Variants in PRELID2 observed in about 807,000 individuals in gnomAD.
PRELID2 encodes PRELI domain containing 2, also known as PRELI domain-containing protein 2.
In PRELID2, 25 loss-of-function variants were observed where a neutral mutation model predicts 28.4. The ratio of observed to expected loss-of-function variants is 0.88; its 90% CI spans 0.64 to 1.23. The LOEUF (loss-of-function observed/expected upper bound fraction) is 1.23. PRELID2 is among the 50% of genes most tolerant of loss of function. The pLI is 0.00. For synonymous variants in PRELID2, 76 were observed against 71.6 expected (o/e 1.06, Z -0.31); for missense variants, 201 against 214.4 (o/e 0.94, Z 0.39).
intron 2 of PRELID2, among the ~76,000 whole-genome samples, chr5:145,821,614 G>A (rs1241059426): frequency 6.6e-6 from 1 of 152,184 alleles, no homozygotes; most frequent in Non-Finnish European, 1.5e-5. Context: ...GGCTATAGTA[G>A]TCCCAACCCT....
At chr5:145,592,084 C>G (rs1753237252) in intron 1 of PRELID2, among the ~76,000 whole-genome samples, 1 of 152,124 alleles carries the variant, frequency 6.6e-6, no homozygotes, top group Admixed American at 6.6e-5. Context: ...GTTGTAACAG[C>G]AAATGAGCTG....
chr5:145,700,169 G>T (rs534291029), intron 1 of PRELID2, among the ~76,000 whole-genome samples: 2 of 150,010 alleles, frequency 1.3e-5, no homozygotes, highest in African/African-American at 2.5e-5. Context: ...TCAGAACCCA[G>T]TGGTTTTTCT....
the PRELID2 span, among the ~76,000 whole-genome samples, chr5:145,257,456 A>G: frequency 6.6e-6 from 1 of 152,152 alleles, no homozygotes; most frequent in Non-Finnish European, 1.5e-5. Context: ...CATGAAAGAG[A>G]AAACAGAAAA....
the PRELID2 span, among the ~76,000 whole-genome samples, chr5:145,244,100 C>G: frequency 1.3e-5 from 2 of 152,046 alleles, no homozygotes; most frequent in Non-Finnish European, 2.9e-5. Context: ...ACTACAGGCA[C>G]AAACTACCCT....
At chr5:145,255,341 A>T in the PRELID2 span, among the ~76,000 whole-genome samples, 1 of 152,166 alleles carries the variant, frequency 6.6e-6, no homozygotes, top group Non-Finnish European at 1.5e-5. Context: ...GATAAATGGA[A>T]TAAAAACTAT....
chr5:145,479,758 G>A (rs895678009), intron 1 of PRELID2, among the ~76,000 whole-genome samples: 1 of 152,062 alleles, frequency 6.6e-6, no homozygotes, highest in Non-Finnish European at 1.5e-5. Context: ...CAAATTTCTG[G>A]TCTTCCAATT....
At chr5:145,800,933 T>C (rs1401355611) in intron 4 of PRELID2, among the ~76,000 whole-genome samples, 2 of 152,038 alleles carry the variant, frequency 1.3e-5, no homozygotes, top group Non-Finnish European at 2.9e-5. Flanking sequence ...CAACACATGG[T>C]TTAATTTCAG....
At chr5:145,294,725 T>C in the PRELID2 span, among the ~76,000 whole-genome samples, 2 of 152,188 alleles carry the variant, frequency 1.3e-5, no homozygotes, top group Non-Finnish European at 2.9e-5. Context: ...CTTACCCTGA[T>C]CCATGTAGTT....
chr5:145,243,657 G>C, the PRELID2 span, among the ~76,000 whole-genome samples: 1 of 151,884 alleles, frequency 6.6e-6, no homozygotes, highest in Non-Finnish European at 1.5e-5. Context: ...CCAAGGGCCT[G>C]GTGAAATCAT....
At chr5:145,673,133 C>G (rs148420579) in intron 1 of PRELID2, among the ~76,000 whole-genome samples, 196 of 152,264 alleles carry the variant, frequency 1.3e-3, no homozygotes, top group Middle Eastern at 6.8e-3. Context: ...ACCAGGCCTA[C>G]TTAGAAAAGA....
At chr5:145,806,105 A>G (rs1056696417) in intron 4 of PRELID2, among the ~76,000 whole-genome samples, 1 of 152,196 alleles carries the variant, frequency 6.6e-6, no homozygotes, top group Non-Finnish European at 1.5e-5. Context: ...CCTAGGCTAC[A>G]CTAAATTTAT....
chr5:145,286,446 A>G, the PRELID2 span, among the ~76,000 whole-genome samples: 2 of 152,146 alleles, frequency 1.3e-5, no homozygotes, highest in African/African-American at 2.4e-5. Flanking sequence ...GGTAGATGCT[A>G]TTATCACCCC....
intron 3 of PRELID2, 126 bp from the exon 4 acceptor site, chr5:145,818,180 C>G: frequency 6.4e-6 from 6 of 942,270 alleles, no homozygotes; most frequent in Admixed American, 2.6e-5. Context: ...TGGATGATGG[C>G]TCACCAGTGG....
At chr5:145,468,733 T>C (rs1358283075), downstream of PRELID2, among the ~76,000 whole-genome samples, 1 of 152,208 alleles carries the variant, frequency 6.6e-6, no homozygotes, top group Non-Finnish European at 1.5e-5. Flanking sequence ...GAAGTGGCTG[T>C]TCATATCCTT....
chr5:145,722,741 C>T (rs1756025565), intron 1 of PRELID2, among the ~76,000 whole-genome samples: 1 of 152,066 alleles, frequency 6.6e-6, no homozygotes, highest in African/African-American at 2.4e-5. Flanking sequence ...CTAAGCTGAT[C>T]CGCCCACCTC....
At chr5:145,293,691 G>T in the PRELID2 span, among the ~76,000 whole-genome samples, 1 of 152,098 alleles carries the variant, frequency 6.6e-6, no homozygotes, top group African/African-American at 2.4e-5. Context: ...TAAGTAAATG[G>T]CCCACATTGT....
intron 1 of PRELID2, among the ~76,000 whole-genome samples, chr5:145,665,999 A>AAAG (rs1554082388): frequency 2.7e-5 from 4 of 147,680 alleles, no homozygotes; most frequent in African/African-American, 7.7e-5. Context: ...AAAAAAAAAA[A>AAAG]AAAGAAAGAA....
At chr5:145,231,087 C>T in the PRELID2 span, among the ~76,000 whole-genome samples, 1 of 152,200 alleles carries the variant, frequency 6.6e-6, no homozygotes, top group Non-Finnish European at 1.5e-5. Flanking sequence ...CAGAGCCCAT[C>T]TTTCAAAGGG....
the PRELID2 span, among the ~76,000 whole-genome samples, chr5:145,248,475 G>A: frequency 9.9e-5 from 15 of 152,190 alleles, no homozygotes; most frequent in South Asian, 2.1e-4. Context: ...GCTGCTCTAA[G>A]TTTATTCTTG....
Sources: allele counts gnomAD v4.1 joint callset (sites outside exome capture counted in the v4.1 genomes callset), GRCh38; gene constraint gnomAD v4.1.1; transcripts MANE v1.5; gene names NCBI Gene and HGNC (gene_info 2026-07-23, HGNC 2026-07-21).